Variants in NYAP1 observed in about 807,000 individuals in gnomAD.
NYAP1 encodes the protein neuronal tyrosine-phosphorylated phosphoinositide-3-kinase adapter 1.
NYAP1 carries 20 observed loss-of-function variants against 58.6 expected under a neutral mutation model. That is an observed-to-expected ratio of 0.34 (90% confidence interval 0.24 to 0.50). The LOEUF (loss-of-function observed/expected upper bound fraction) is 0.50, where lower values mean the gene tolerates loss of function less well. NYAP1 is among the 20% of genes least tolerant of loss of function. The probability of loss-of-function intolerance (pLI) is 0.98; values close to 1 mark genes in which losing one functional copy is unlikely to be tolerated. For missense variants in NYAP1, 1,150 were observed against 1,194.5 expected (o/e 0.96, Z 0.55); for synonymous variants, 572 against 523.1 (o/e 1.09, Z -1.27).
rs1458422289 is a variant in NYAP1, at chr7:100,489,154, G to A, written c.1433G>A (p.Gly478Asp). The change falls in exon 4 of 7, where the codon GGT becomes GAT. Residue 478 changes from glycine to aspartate, a missense_variant. Physicochemically the swap from Gly to Asp is moderately conservative, Grantham distance 94. Transcript: ENST00000300179. ...KVTTHSVLPA[G>D]PPLGAGEPKT... ...ACCACGCACTCTGTCCTGCCAGCTGGTCCACCCCTGGGTGCTGGGGAGCCA... is the reference window on the plus strand; with the variant it reads ...ACCACGCACTCTGTCCTGCCAGCTGATCCACCCCTGGGTGCTGGGGAGCCA... The A allele has an allele frequency of 1.2e-6, 2 of 1,609,720 alleles. No individual in the cohort carries two copies. The highest frequency in any genetic ancestry group is 1.7e-6 in the Non-Finnish European group (2 of 1,178,622).
At chr7:100,491,863 A>G (rs1283107178) in intron 6 of NYAP1, among the ~76,000 whole-genome samples, 2 of 152,292 alleles carry the variant, frequency 1.3e-5, no homozygotes, top group East Asian at 1.9e-4. Flanking sequence ...CCTGACCAAC[A>G]TAGTGAAATC....
rs746456113 is a variant in NYAP1 at position 100,486,249 on chromosome 7, A to G, written c.69-572A>G. ...AGAAGCTCAGGGACAGTGGAATGGA[A>G]TGGGGGTGAGCCGGGGAGGCTGACA... On this transcript the variant is annotated intron_variant, in intron 2 of 6. Transcript: ENST00000300179. The surrounding 1 kb of genome is among the most constrained non-coding windows in gnomAD (Gnocchi z 6.2). Among the ~76,000 whole-genome samples, 4 of 151,906 alleles carry G rather than the reference A, an allele frequency of 2.6e-5. No homozygotes were observed. Among genetic ancestry groups the G allele is most frequent in the African/African-American group, 2.4e-5 (1 of 41,348 alleles).
rs753693214 is a variant in NYAP1 at position 100,490,619 on chromosome 7, G to A, written c.2048G>A (p.Ser683Asn). The A allele has an allele frequency of 6.3e-7, 1 of 1,575,232 alleles. No individual in the cohort carries two copies. The highest frequency in any genetic ancestry group is 1.2e-5 in the South Asian group (1 of 85,808). Residue 683 changes from serine (S) to asparagine (N), a missense_variant, in exon 5 of 7, where the codon AGC becomes AAC. By Grantham distance (46) the Ser-to-Asn change is conservative (BLOSUM62 1). Coordinates refer to ENST00000300179, the MANE Select transcript of NYAP1 (RefSeq NM_173564.4). This position sits in a 1 kb window ranked among gnomAD's most constrained non-coding sequence, Gnocchi z 4.6. ...GGGACATCGGGGATCCCAGTGAGAA[G>A]CCAGGGGGCAGAGGGACTGCTGGCC... is the stretch of plus-strand genomic sequence containing the variant. The part of the protein sequence containing the change: ...GPGTSGIPVR[S>N]QGAEGLLARI...
In NYAP1 at chr7:100,487,526, G is replaced by A. The variant is rs1799723343; in HGVS notation, c.430+344G>A. The stretch of plus-strand genomic sequence containing the variant: ...TCAGCACTTTTTTTTTTTTGAGACA[G>A]AGTCTCGCTCTGTTGCCCAGGCAGG... On this transcript the variant is annotated intron_variant, in intron 3 of 6. Coordinates refer to ENST00000300179, the MANE Select transcript of NYAP1 (RefSeq NM_173564.4). This position sits in a 1 kb window ranked among gnomAD's most constrained non-coding sequence, Gnocchi z 4.1. Among the ~76,000 whole-genome samples the A allele has an allele frequency of 6.6e-6, 1 of 151,808 alleles. No homozygotes were observed. The highest frequency in any genetic ancestry group is 2.4e-5 in the African/African-American group (1 of 41,332).
Position 100,488,855 on chromosome 7 carries a change from G to A in NYAP1, c.1134G>A (p.Arg378=). 6.3e-7 allele frequency: 1 copy of A among 1,599,310 alleles called. No individual in the cohort carries two copies. The part of the protein sequence containing the change: ...GSTPAPQVPA[R]ERETPPPPPP... ...CCCCAGCTCCCCAAGTGCCTGCACG[G>A]GAGCGGGAGACGCCTCCCCCACCGC... Residue 378 remains arginine, a synonymous_variant, in exon 4 of 7, where the codon CGG becomes CGA. Transcript: ENST00000300179. The surrounding 1 kb of genome is among the most constrained non-coding windows in gnomAD (Gnocchi z 5.9).
chr7:100,484,019 C>T lies in NYAP1; in HGVS notation c.-85+18C>T, dbSNP rs1370538276. 6.5e-6 allele frequency: 1 copy of T among 153,056 alleles called. No individual in the cohort carries two copies. The highest frequency in any genetic ancestry group is 1.5e-5 in the Non-Finnish European group (1 of 68,754). 9.5% of individuals were successfully genotyped at this position (153,056 alleles called of 1,614,324 possible). On this transcript the variant is annotated intron_variant, in intron 1 of 6. Coordinates refer to ENST00000300179, the MANE Select transcript of NYAP1 (RefSeq NM_173564.4). The stretch of plus-strand genomic sequence containing the variant: ...CAGGCCAGGTACGGTGATGGAGAAC[C>T]TGGGGAGGCTTGGTGCAGGAAGGTT...
At position 100,483,950 on chromosome 7, in the gene NYAP1, C is replaced by G. The variant is rs573626399; in HGVS notation, c.-136C>G. 1.3e-5 allele frequency: 2 copies of G among 153,068 alleles called. No individual in the cohort carries two copies. Among genetic ancestry groups the G allele is most frequent in the South Asian group, 2.1e-4 (1 of 4,848 alleles). 9.5% of individuals were successfully genotyped at this position (153,068 alleles called of 1,614,324 possible). On this transcript the variant is annotated 5_prime_UTR_variant, in exon 1 of 7. Coordinates refer to ENST00000300179, the MANE Select transcript of NYAP1 (RefSeq NM_173564.4). The surrounding 1 kb of genome is among the most constrained non-coding windows in gnomAD (Gnocchi z 4.2). Reference sequence around the variant, plus strand: ...CTGTCTCTGTCTCTCCTCCTCCCTCCTCCTGCTCCGGGCGGAGCCCGGCAT... The same window carrying G: ...CTGTCTCTGTCTCTCCTCCTCCCTCGTCCTGCTCCGGGCGGAGCCCGGCAT...
rs1799784236 is a variant in NYAP1, at chr7:100,490,735, G to A, written c.2158+6G>A. On this transcript the variant is annotated splice_donor_region_variant and intron_variant, in intron 5 of 6. Coordinates refer to ENST00000300179, the MANE Select transcript of NYAP1 (RefSeq NM_173564.4). This position sits in a 1 kb window ranked among gnomAD's most constrained non-coding sequence, Gnocchi z 4.6. ...CGCCTGCCACCGCAATGGAGGTGACGCGGCCTGCACACACCTGTGCACAGC... is the reference window on the plus strand; with the variant it reads ...CGCCTGCCACCGCAATGGAGGTGACACGGCCTGCACACACCTGTGCACAGC... The A allele has an allele frequency of 3.3e-6, 5 of 1,502,882 alleles. No homozygotes were observed. The highest frequency in any genetic ancestry group is 1.4e-5 in the African/African-American group (1 of 72,562). 93.1% of individuals were successfully genotyped at this position (1,502,882 alleles called of 1,614,324 possible). A position where few individuals can be genotyped will look rare whatever the true frequency, so the allele number is the denominator to read the frequency against.
rs138038785 is a variant in NYAP1, at chr7:100,488,649, C to G, written c.928C>G (p.Arg310Gly). The change falls in exon 4 of 7, where the codon CGG becomes GGG. Residue 310 changes from arginine to glycine, a missense_variant. Physicochemically the swap from Arg to Gly is moderately radical, Grantham distance 125. Coordinates refer to ENST00000300179, the MANE Select transcript of NYAP1 (RefSeq NM_173564.4). The surrounding 1 kb of genome is among the most constrained non-coding windows in gnomAD (Gnocchi z 5.9). ...HRRPASALPSRRDGTPTKTTP... is the reference protein window; with the variant it reads ...HRRPASALPSGRDGTPTKTTP... ...CCGCCCAGCTTCAGCCCTCCCGAGC[C>G]GGAGGGACGGGACGCCCACCAAGAC... is the stretch of plus-strand genomic sequence containing the variant. 1.7e-5 allele frequency: 28 copies of G among 1,610,104 alleles called. No individual in the cohort carries two copies. Among genetic ancestry groups the G allele is most frequent in the Non-Finnish European group, 2.4e-5 (28 of 1,178,902 alleles).
rs1799717915 is a variant in NYAP1, at chr7:100,487,242, G to GCCCGGGGA, written c.430+61_430+68dup. ...TGGGAGCTGGGAGGATCTATTCCAC[G>GCCCGGGGA]CCCGGGGAGGCTTGCCGGGAGGGTT... On this transcript the variant is annotated intron_variant, in intron 3 of 6. Transcript: ENST00000300179. This position sits in a 1 kb window ranked among gnomAD's most constrained non-coding sequence, Gnocchi z 4.1. The GCCCGGGGA allele has an allele frequency of 7.0e-7, 1 of 1,438,246 alleles. No individual in the cohort carries two copies. The highest frequency in any genetic ancestry group is 2.7e-5 in the Admixed American group (1 of 36,576). 89.1% of individuals were successfully genotyped at this position (1,438,246 alleles called of 1,614,324 possible).
intron 1 of NYAP1, among the ~76,000 whole-genome samples, chr7:100,484,397 T>A (rs1799677713): frequency 6.6e-6 from 1 of 151,700 alleles, no homozygotes; most frequent in Non-Finnish European, 1.5e-5. Flanking sequence ...GCCTCCCAAA[T>A]CCTGGAGGAA....
intron 6 of NYAP1, 104 bp from the exon 7 acceptor site, chr7:100,493,542 T>A: frequency 4.8e-6 from 5 of 1,035,292 alleles, no homozygotes; most frequent in Non-Finnish European, 6.8e-6. Context: ...AGCAAGGACT[T>A]GCTTCTGAGG....
In NYAP1 at chr7:100,486,847, G is replaced by C. The variant is rs1484295421; in HGVS notation, c.95G>C (p.Gly32Ala). The C allele has an allele frequency of 6.5e-7, 1 of 1,527,172 alleles. No individual in the cohort carries two copies. Among genetic ancestry groups the C allele is most frequent in the African/African-American group, 1.4e-5 (1 of 72,406 alleles). 94.6% of individuals were successfully genotyped at this position (1,527,172 alleles called of 1,614,324 possible). A position where few individuals can be genotyped will look rare whatever the true frequency, so the allele number is the denominator to read the frequency against. The change falls in exon 3 of 7, where the codon GGC becomes GCC. Residue 32 changes from glycine (G) to alanine (A), a missense_variant. Coordinates refer to ENST00000300179, the MANE Select transcript of NYAP1 (RefSeq NM_173564.4). The surrounding 1 kb of genome is among the most constrained non-coding windows in gnomAD (Gnocchi z 6.2). ...TCCAGTAAGGAGGTGGCCCCCGCTGGCTCGGCTGGGCCCGCGGCCGGCCAG... is the reference window on the plus strand; with the variant it reads ...TCCAGTAAGGAGGTGGCCCCCGCTGCCTCGGCTGGGCCCGCGGCCGGCCAG... ...RSSSKEVAPA[G>A]SAGPAAGQGP...
chr7:100,491,447 T>G (rs1168349528), intron 6 of NYAP1, among the ~76,000 whole-genome samples: 1 of 151,140 alleles, frequency 6.6e-6, no homozygotes, highest in Admixed American at 6.6e-5. Context: ...AAATGCAAAA[T>G]GTAGTCAGGT....
In NYAP1 at chr7:100,490,423, C is replaced by T. The variant is rs775484113; in HGVS notation, c.1946-94C>T. On this transcript the variant is annotated intron_variant, in intron 4 of 6. Transcript: ENST00000300179. This position sits in a 1 kb window ranked among gnomAD's most constrained non-coding sequence, Gnocchi z 4.6. The stretch of plus-strand genomic sequence containing the variant: ...TTACTTGCAAAAGGGGCAATTGTGT[C>T]TCCTGGTCCACCCATACTGCAGCAT... 80 of 1,222,346 alleles carry T rather than the reference C, an allele frequency of 6.5e-5. No homozygotes were observed. The highest frequency in any genetic ancestry group is 8.6e-5 in the Non-Finnish European group (73 of 849,480). The allele number at this position is 1,222,346 out of a possible 1,614,324, so 75.7% of individuals were successfully genotyped here.
chr7:100,485,322 T>C lies in NYAP1; in HGVS notation c.11T>C (p.Leu4Pro). Residue 4 changes from leucine to proline, a missense_variant, in exon 2 of 7, where the codon CTC becomes CCC. By Grantham distance (98) the Leu-to-Pro change is moderately conservative (BLOSUM62 -3). Coordinates refer to ENST00000300179, the MANE Select transcript of NYAP1 (RefSeq NM_173564.4). The surrounding 1 kb of genome is among the most constrained non-coding windows in gnomAD (Gnocchi z 5.7). ...CTCCTGCCCCACGAGATGAACCTCC[T>C]CTACCGAAAAACCAAGCTGGAGTGG... is the stretch of plus-strand genomic sequence containing the variant. MNL[L>P]YRKTKLEWRQ... 2.5e-6 allele frequency: 4 copies of C among 1,583,118 alleles called. No homozygotes were observed. Among genetic ancestry groups the C allele is most frequent in the Non-Finnish European group, 3.4e-6 (4 of 1,162,626 alleles).
rs1454877646 is a variant in NYAP1, at chr7:100,491,050, C to T, written c.2223C>T (p.Leu741=). Residue 741 remains leucine (L), a synonymous_variant, in exon 6 of 7, where the codon CTC becomes CTT. Transcript: ENST00000300179. ...ASTSGVRQVV[L]HTPRPCSQPR... ...CCTCCGGAGTCCGGCAGGTCGTGCT[C>T]CACACACCCCGGCCCTGCAGCCAGC... 2 of 1,559,866 alleles carry T rather than the reference C, an allele frequency of 1.3e-6. No homozygotes were observed. Among genetic ancestry groups the T allele is most frequent in the South Asian group, 1.2e-5 (1 of 84,616 alleles).
Position 100,490,861 on chromosome 7 carries a change from C to T in NYAP1, c.2159-125C>T. ...AGGGCCCTAAATCCTCATACCACAT[C>T]TCCACCCCTTTTTCCCTTCTGATGA... On this transcript the variant is annotated intron_variant, in intron 5 of 6. Coordinates refer to ENST00000300179, the MANE Select transcript of NYAP1 (RefSeq NM_173564.4). This position sits in a 1 kb window ranked among gnomAD's most constrained non-coding sequence, Gnocchi z 4.6. 3.7e-6 allele frequency: 4 copies of T among 1,067,630 alleles called. No homozygotes were observed. In the South Asian group the frequency reaches 4.9e-5, roughly 13 times the overall value. The allele number at this position is 1,067,630 out of a possible 1,614,324, so 66.1% of individuals were successfully genotyped here. A position where few individuals can be genotyped will look rare whatever the true frequency, so the allele number is the denominator to read the frequency against.
chr7:100,484,891 C>T (rs971370232), intron 1 of NYAP1, among the ~76,000 whole-genome samples: 4 of 151,916 alleles, frequency 2.6e-5, no homozygotes, highest in African/African-American at 4.8e-5. Context: ...TCGGTGGCTC[C>T]GTGGTTTGTG....
Sources: gnomAD v4.1 joint callset for allele counts (sites outside exome capture counted in the v4.1 genomes callset) on GRCh38, gnomAD v4.1.1 for gene constraint, Gnocchi (gnomAD v3.1) non-coding constraint, MANE v1.5 for transcripts, NCBI Gene and HGNC (gene_info 2026-07-23, HGNC 2026-07-21) for gene names.